Variants in PEAK1 observed in about 807,000 individuals in gnomAD.
PEAK1 encodes pseudopodium enriched atypical kinase 1.
In PEAK1, 54 loss-of-function variants were observed where a neutral mutation model predicts 124.7. The observed-to-expected ratio is 0.43, with a 90% CI of 0.35 to 0.54. PEAK1 has a LOEUF of 0.54. Among genes scored for constraint, PEAK1 ranks in the 20% least tolerant of loss-of-function variants. The probability of loss-of-function intolerance (pLI) is 0.01; values close to 1 mark genes in which losing one functional copy is unlikely to be tolerated. For missense variants in PEAK1, 2,046 were observed against 2,134.5 expected (o/e 0.96, Z 0.82); for synonymous variants, 719 against 760.0 (o/e 0.95, Z 0.89).
At chr15:77,176,105 G>A (rs2152812151) in intron 7 of PEAK1, among the ~76,000 whole-genome samples, 1 of 151,994 alleles carries the variant, frequency 6.6e-6, no homozygotes, top group South Asian at 2.1e-4. Context: ...ACTGTTGTGG[G>A]GTGGGGGGAG....
intron 6 of PEAK1, among the ~76,000 whole-genome samples, chr15:77,250,958 A>G (rs992222309): frequency 6.6e-6 from 1 of 152,232 alleles, no homozygotes; most frequent in African/African-American, 2.4e-5. Flanking sequence ...ATATTTACCA[A>G]CATGAAACAG....
chr15:77,313,648 A>ATGTGTG (rs1220086755), intron 2 of PEAK1, among the ~76,000 whole-genome samples: 3,443 of 86,350 alleles, frequency 0.04, 64 homozygotes, highest in Non-Finnish European at 0.056. Context: ...GTATGTATGT[A>ATGTGTG]TGTATGTGTG....
intron 1 of PEAK1, chr15:77,418,939 A>G: frequency 4.1e-6 from 4 of 985,414 alleles, no homozygotes; most frequent in Non-Finnish European, 4.8e-6. Flanking sequence ...TCATCCAATG[A>G]CCTAAAAATA....
intron 2 of PEAK1, among the ~76,000 whole-genome samples, chr15:77,316,514 C>T (rs2064884180): frequency 6.6e-6 from 1 of 152,132 alleles, no homozygotes; most frequent in African/African-American, 2.4e-5. Context: ...TACATAGCTC[C>T]CTGTACTGCT....
At chr15:77,360,830 T>C (rs979886663) in intron 2 of PEAK1, among the ~76,000 whole-genome samples, 11 of 151,846 alleles carry the variant, frequency 7.2e-5, no homozygotes, top group Non-Finnish European at 1.3e-4. Flanking sequence ...TGGCAAAGGA[T>C]GAAAATAAAA....
At chr15:77,306,980 CAT>C (rs2064141146) in intron 2 of PEAK1, among the ~76,000 whole-genome samples, 1 of 152,048 alleles carries the variant, frequency 6.6e-6, no homozygotes, top group Non-Finnish European at 1.5e-5. Context: ...TTAAAGGTTC[CAT>C]ATGTTTTACC....
At chr15:77,339,530 C>T (rs1236183653) in intron 2 of PEAK1, among the ~76,000 whole-genome samples, 1 of 152,008 alleles carries the variant, frequency 6.6e-6, no homozygotes, top group Non-Finnish European at 1.5e-5. Flanking sequence ...GGATTATACA[C>T]CTAAATATAA....
At position 77,313,678 on chromosome 15, in the gene PEAK1, G is replaced by A. The variant is rs1475636439; in HGVS notation, c.-602-27174C>T. Among the ~76,000 whole-genome samples the A allele has an allele frequency of 8.2e-3, 969 of 118,524 alleles. 35 individuals carry two copies. The highest frequency in any genetic ancestry group is 0.036 in the African/African-American group (927 of 25,656). The allele number at this position is 118,524 out of a possible 152,430, so 77.8% of individuals were successfully genotyped here. A position where few individuals can be genotyped will look rare whatever the true frequency, so the allele number is the denominator to read the frequency against. On this transcript the variant is annotated intron_variant, in intron 2 of 9. Transcript: ENST00000682557. Reference sequence around the variant, plus strand: ...TGTGTGTGTGTGTGTGTGTGTGTGTGTGTGTGTGTGTGTGTATATATATAT... The same window carrying A: ...TGTGTGTGTGTGTGTGTGTGTGTGTATGTGTGTGTGTGTGTATATATATAT...
At position 77,181,213 on chromosome 15, in the gene PEAK1, C is replaced by G. The variant is rs1181050862; in HGVS notation, c.714G>C (p.Glu238Asp). The G allele has an allele frequency of 1.9e-6, 3 of 1,614,008 alleles. No individual in the cohort carries two copies. Among genetic ancestry groups the G allele is most frequent in the Admixed American group, 1.7e-5 (1 of 60,006 alleles). The change falls in exon 7 of 10, where the codon GAG becomes GAC. Residue 238 changes from glutamate (E) to aspartate (D), a missense_variant. Physicochemically the swap from Glu to Asp is conservative, Grantham distance 45. Transcript: ENST00000682557. ...CCTCCATGTTACTGAAAAGTACATC[C>G]TCTTCACTCTCCTCGCCACTGGAAA... ...PEFSSGEESEEDVLFSNMEEE... is the reference protein window; with the variant it reads ...PEFSSGEESEDDVLFSNMEEE...
At chr15:77,313,652 A>ATGTATGTGTGTG (rs1469429790) in intron 2 of PEAK1, among the ~76,000 whole-genome samples, 42 of 90,580 alleles carry the variant, frequency 4.6e-4, no homozygotes, top group Middle Eastern at 6.2e-3. Context: ...GTATGTATGT[A>ATGTATGTGTGTG]TGTGTGTGTG....
chr15:77,223,341 C>G (rs888468840), intron 6 of PEAK1, among the ~76,000 whole-genome samples: 1 of 152,008 alleles, frequency 6.6e-6, no homozygotes, highest in African/African-American at 2.4e-5. Context: ...CACCCAAGTA[C>G]AAGCAAAGCA....
At chr15:77,390,361 A>T (rs1363877984) in intron 1 of PEAK1, among the ~76,000 whole-genome samples, 2 of 152,220 alleles carry the variant, frequency 1.3e-5, no homozygotes, top group African/African-American at 2.4e-5. Context: ...TGTCAAATTA[A>T]GCATAGCCTG....
chr15:77,118,922 A>G (rs1163033795), intron 9 of PEAK1, among the ~76,000 whole-genome samples: 7 of 152,232 alleles, frequency 4.6e-5, no homozygotes, highest in African/African-American at 1.4e-4. Flanking sequence ...TGTGCTGTCT[A>G]TATTTTCTGA....
At chr15:77,245,364 A>G (rs561660059) in intron 6 of PEAK1, among the ~76,000 whole-genome samples, 3 of 142,648 alleles carry the variant, frequency 2.1e-5, no homozygotes, top group African/African-American at 5.1e-5. Context: ...CAAATAATTG[A>G]AAAAAAAAAA....
chr15:77,347,986 A>G (rs1314636425), intron 2 of PEAK1: 1 of 985,098 alleles, frequency 1.0e-6, no homozygotes, highest in Non-Finnish European at 1.2e-6. Flanking sequence ...AATGCTAACA[A>G]GACATTTTGT....
intron 5 of PEAK1, among the ~76,000 whole-genome samples, chr15:77,267,783 T>C (rs1158743245): frequency 3.9e-5 from 6 of 152,038 alleles, no homozygotes; most frequent in Non-Finnish European, 7.4e-5. Flanking sequence ...AAAACAATTC[T>C]GATAATAGAC....
At chr15:77,178,660 G>T in intron 7 of PEAK1, 130 bp downstream of exon 7, 1 of 860,744 alleles carries the variant, frequency 1.2e-6, no homozygotes, top group Non-Finnish European at 1.8e-6. Context: ...CAGTTATAAA[G>T]ATAGATGATG....
chr15:77,217,865 A>T (rs1227055728), intron 6 of PEAK1, among the ~76,000 whole-genome samples: 1 of 152,042 alleles, frequency 6.6e-6, no homozygotes, highest in Non-Finnish European at 1.5e-5. Flanking sequence ...TATCCTAAAA[A>T]GTTTGTTTTT....
chr15:77,417,168 T>C (rs975558702), intron 1 of PEAK1: 1 of 200,068 alleles, frequency 5.0e-6, no homozygotes, highest in African/African-American at 2.4e-5. Context: ...CATGCCCCTG[T>C]CATACTATAA....
Sources: allele counts gnomAD v4.1 joint callset (sites outside exome capture counted in the v4.1 genomes callset), GRCh38; gene constraint gnomAD v4.1.1; transcripts MANE v1.5; gene names NCBI Gene and HGNC (gene_info 2026-07-23, HGNC 2026-07-21).